Variants in VWA3A observed in about 807,000 individuals in gnomAD.
VWA3A encodes von Willebrand factor A domain containing 3A.
In VWA3A, 134 loss-of-function variants were observed where a neutral mutation model predicts 160.4. The observed-to-expected ratio is 0.84, with a 90% confidence interval of 0.73 to 0.96. The LOEUF is 0.96. Among genes scored for constraint, VWA3A ranks in the 40% least tolerant of loss-of-function variants. The pLI, the probability that VWA3A is intolerant of heterozygous loss-of-function variation, is 0.00. For missense variants in VWA3A, 1,310 were observed against 1,447.9 expected, an observed-to-expected ratio of 0.90 and a Z score of 1.55; for synonymous variants, 476 against 543.4, an observed-to-expected ratio of 0.88 and a Z score of 1.72.
intron 21 of VWA3A, among the ~76,000 whole-genome samples, chr16:22,136,172 G>C (rs1213812167): frequency 1.3e-5 from 2 of 152,174 alleles, no homozygotes; most frequent in Non-Finnish European, 2.9e-5. Context: ...AGGTAGCTAG[G>C]AGCCAGATCC....
chr16:22,093,964 G>A (rs1041825167), intron 1 of VWA3A, among the ~76,000 whole-genome samples: 8 of 150,636 alleles, frequency 5.3e-5, no homozygotes, highest in Admixed American at 1.3e-4. Flanking sequence ...ATATAGAGAC[G>A]GGGTCTCGTT....
chr16:22,100,167 G>T (rs747300959), intron 3 of VWA3A, 27 bp from the exon 4 acceptor site: 1 of 1,522,636 alleles, frequency 6.6e-7, no homozygotes, highest in Non-Finnish European at 8.8e-7. Context: ...TCCACTTCAC[G>T]GTTTGACTCT....
intron 13 of VWA3A, 140 bp downstream of exon 13, chr16:22,121,243 T>A (rs2045729647): frequency 1.5e-6 from 2 of 1,294,908 alleles, no homozygotes; most frequent in African/African-American, 3.0e-5. Context: ...GCCAGGGATA[T>A]GAGACCAACC....
intron 6 of VWA3A, among the ~76,000 whole-genome samples, chr16:22,106,672 A>G (rs928304035): frequency 6.6e-6 from 1 of 152,168 alleles, no homozygotes; most frequent in African/African-American, 2.4e-5. Flanking sequence ...CTGATTCCAA[A>G]GCTGAGGGCT....
intron 30 of VWA3A, among the ~76,000 whole-genome samples, chr16:22,151,773 A>G (rs907714155): frequency 1.3e-5 from 2 of 152,178 alleles, no homozygotes; most frequent in Non-Finnish European, 2.9e-5. Context: ...CCTTCAAAAA[A>G]AAAAAAACTT....
chr16:22,132,874 C>T, intron 19 of VWA3A, 26 bp from the exon 20 acceptor site: 1 of 1,598,582 alleles, frequency 6.3e-7, no homozygotes, highest in South Asian at 1.1e-5. Context: ...AGCTGCTGGC[C>T]CCTCCTACCT....
At chr16:22,116,934 G>C in intron 10 of VWA3A, 67 bp downstream of exon 10, 1 of 1,516,680 alleles carries the variant, frequency 6.6e-7, no homozygotes, top group Non-Finnish European at 9.1e-7. Context: ...TGGCCTTTGA[G>C]GCCTCATGCT....
chr16:22,103,816 C>T (rs2045443592), intron 6 of VWA3A, among the ~76,000 whole-genome samples: 1 of 152,180 alleles, frequency 6.6e-6, no homozygotes, highest in Admixed American at 6.5e-5. Context: ...AAAGGAACTT[C>T]ACTTCCTGTT....
Position 22,132,990 on chromosome 16 carries a change from G to A in VWA3A, c.1963G>A (p.Asp655Asn), listed in dbSNP as rs2045975755. Residue 655 changes from aspartate (D) to asparagine (N), a missense_variant, in exon 20 of 34, where the codon GAC becomes AAC. Transcript: ENST00000389398. ...CTTCTACGTGGGCGAGCCAAAGATGGACACCACACCCCCTGCCCGCTATGC... is the reference window on the plus strand; with the variant it reads ...CTTCTACGTGGGCGAGCCAAAGATGAACACCACACCCCCTGCCCGCTATGC... Reference protein sequence around the residue: ...CLFYVGEPKMDTTPPARYASH... With the variant: ...CLFYVGEPKMNTTPPARYASH... 1 of 1,613,816 alleles carries A rather than the reference G, an allele frequency of 6.2e-7. No individual in the cohort carries two copies. Among genetic ancestry groups the A allele is most frequent in the African/African-American group, 1.3e-5 (1 of 74,892 alleles).
At chr16:22,106,334 G>A (rs542265495) in intron 6 of VWA3A, among the ~76,000 whole-genome samples, 5 of 152,176 alleles carry the variant, frequency 3.3e-5, no homozygotes, top group East Asian at 3.9e-4. Flanking sequence ...GCAGTGAGCC[G>A]AGATCGTGCC....
chr16:22,097,980 A>G (rs2045351047), intron 3 of VWA3A, among the ~76,000 whole-genome samples: 1 of 152,226 alleles, frequency 6.6e-6, no homozygotes. Flanking sequence ...ATTTGATTCT[A>G]AAATTCCCCT....
chr16:22,131,969 G>T (rs1598085201), intron 19 of VWA3A, among the ~76,000 whole-genome samples: 1 of 152,128 alleles, frequency 6.6e-6, no homozygotes, highest in African/African-American at 2.4e-5. Flanking sequence ...GGTGGCACAT[G>T]CCTGTACTCC....
At chr16:22,115,923 A>AAGGAAGGAAGGAAGGAAGGAAGGAAGG in intron 9 of VWA3A, among the ~76,000 whole-genome samples, 1 of 19,560 alleles carries the variant, frequency 5.1e-5, no homozygotes, top group Admixed American at 6.3e-4. Context: ...GGAAGGAAGG[A>AAGGAAGGAAGGAAGGAAGGAAGGAAGG]AAGGAAAGGA....
intron 27 of VWA3A, among the ~76,000 whole-genome samples, chr16:22,147,331 G>C (rs1405006096): frequency 6.6e-6 from 1 of 152,280 alleles, no homozygotes; most frequent in East Asian, 1.9e-4. Flanking sequence ...TCTTTACAGA[G>C]AGCACCAAGT....
At position 22,123,711 on chromosome 16, in the gene VWA3A, C is replaced by T. The variant is rs778974034; in HGVS notation, c.1532+4C>T. 6.2e-7 allele frequency: 1 copy of T among 1,612,762 alleles called. No homozygotes were observed. Among genetic ancestry groups the T allele is most frequent in the Non-Finnish European group, 8.5e-7 (1 of 1,179,262 alleles). On this transcript the variant is annotated splice_donor_region_variant and intron_variant, in intron 16 of 33. Coordinates refer to ENST00000389398, the MANE Select transcript of VWA3A (RefSeq NM_173615.5). The stretch of plus-strand genomic sequence containing the variant: ...GGGGCACAGTCTGTGAAAAAAGGTA[C>T]CTTTCTTAAGCAGGGTTCTTATCCT...
At chr16:22,146,541 C>T (rs916785469) in intron 27 of VWA3A, among the ~76,000 whole-genome samples, 197 bp downstream of exon 27, 2 of 152,210 alleles carry the variant, frequency 1.3e-5, no homozygotes, top group African/African-American at 4.8e-5. Context: ...AATCTCTGCA[C>T]TTTGGGAGGC....
chr16:22,155,656 A>G lies in VWA3A; in HGVS notation c.3495A>G (p.Gln1165=). Residue 1165 remains glutamine, a synonymous_variant, in exon 32 of 34, where the codon CAA becomes CAG. Transcript: ENST00000389398. ...CCAGAAGCTTCCTCTGGCAGGCCCA[A>G]TCCTTCAGGTATGCCCTTCACGCAG... ...TKARSFLWQA[Q]SFRSQLQKKN... is the part of the protein sequence containing the mutation. 4 of 1,613,886 alleles carry G rather than the reference A, an allele frequency of 2.5e-6. No homozygotes were observed. The highest frequency in any genetic ancestry group is 2.2e-5 in the South Asian group (2 of 91,074).
Position 22,132,902 on chromosome 16 carries a change from T to C in VWA3A, c.1875T>C (p.Pro625=). 1 of 1,612,896 alleles carries C rather than the reference T, an allele frequency of 6.2e-7. No individual in the cohort carries two copies. The highest frequency in any genetic ancestry group is 8.5e-7 in the Non-Finnish European group (1 of 1,179,718). Residue 625 remains proline (P), a splice_region_variant and synonymous_variant, in exon 20 of 34, where the codon CCT becomes CCC. Transcript: ENST00000389398. ...TCCTACCTTCTCTTCCCCACCAGCC[T>C]ACACTCAGTGCCTACATGGCTGAGG... ...FTGGIPDQDM[P]TLSAYMAEAC... is the part of the protein sequence containing the mutation.
chr16:22,145,672 T>C (rs548572762), intron 26 of VWA3A, among the ~76,000 whole-genome samples: 2 of 151,976 alleles, frequency 1.3e-5, no homozygotes, highest in African/African-American at 4.8e-5. Context: ...ATTATTATGA[T>C]TTTTATTAAT....
Sources: allele counts gnomAD v4.1 joint callset (sites outside exome capture counted in the v4.1 genomes callset), GRCh38; gene constraint gnomAD v4.1.1; transcripts MANE v1.5; gene names NCBI Gene and HGNC (gene_info 2026-07-23, HGNC 2026-07-21).